The following TDRD7 variants were observed in gnomAD, a reference collection of about 807,000 sequenced individuals.
TDRD7 encodes the protein tudor domain-containing protein 7.
In TDRD7, 47 loss-of-function variants were observed where a neutral mutation model predicts 109.8. That is an observed-to-expected ratio of 0.43 (90% CI 0.34 to 0.55). The LOEUF (loss-of-function observed/expected upper bound fraction) is 0.55, where lower values mean the gene tolerates loss of function less well. Ranked by LOEUF, TDRD7 falls within the 20% of genes least tolerant of loss-of-function variation. The pLI is 0.03. For missense variants in TDRD7, 1,164 were observed against 1,319.2 expected, an observed-to-expected ratio of 0.88 and a Z score of 1.82; for synonymous variants, 424 against 457.3, an observed-to-expected ratio of 0.93 and a Z score of 0.93.
intron 2 of TDRD7, among the ~76,000 whole-genome samples, chr9:97,429,912 G>C (rs1049705902): frequency 6.6e-6 from 1 of 152,100 alleles, no homozygotes; most frequent in Non-Finnish European, 1.5e-5. Context: ...TTGTTCCCCT[G>C]TTTTGGACAT....
intron 7 of TDRD7, among the ~76,000 whole-genome samples, chr9:97,464,404 G>A (rs1202118734): frequency 6.6e-6 from 1 of 152,180 alleles, no homozygotes; most frequent in Admixed American, 6.5e-5. Flanking sequence ...AGGCTGGAGT[G>A]CAGTGGTGTG....
intron 13 of TDRD7, 32 bp from the exon 14 acceptor site, chr9:97,480,796 G>A (rs150324884): frequency 1.3e-6 from 2 of 1,530,192 alleles, no homozygotes; most frequent in Admixed American, 1.7e-5. Flanking sequence ...TTAACATGGT[G>A]TGTTCACTTT....
chr9:97,434,063 T>C (rs537223568), intron 4 of TDRD7, among the ~76,000 whole-genome samples: 1 of 152,196 alleles, frequency 6.6e-6, no homozygotes, highest in Admixed American at 6.5e-5. Context: ...TGCACGCCCA[T>C]GTTCATTGCA....
intron 15 of TDRD7, among the ~76,000 whole-genome samples, chr9:97,484,602 GA>G (rs924365219): frequency 6.6e-6 from 1 of 152,010 alleles, no homozygotes; most frequent in Non-Finnish European, 1.5e-5. Flanking sequence ...TTTCATGGGA[GA>G]AAAAAACTAA....
Position 97,487,316 on chromosome 9 carries a change from C to T in TDRD7, c.3060C>T (p.Val1020=), listed in dbSNP as rs752874296. ...DMFRKLPFQA[V]TAQLAGVKCN... ...TCCGAAAGCTGCCCTTCCAAGCAGT[C>T]ACAGCTCAACTTGCAGGTAATTTCT... The change falls in exon 16 of 17, where the codon GTC becomes GTT. Residue 1020 remains valine (V), a synonymous_variant. Transcript: ENST00000355295. 5 of 1,613,902 alleles carry T rather than the reference C, an allele frequency of 3.1e-6. No homozygotes were observed. The Admixed American group carries it at 6.7e-5, about 22-fold the overall frequency.
chr9:97,489,579 AT>A (rs936358336), intron 16 of TDRD7, among the ~76,000 whole-genome samples: 41 of 150,924 alleles, frequency 2.7e-4, no homozygotes, highest in South Asian at 1.0e-3. Flanking sequence ...GTTGAGTCTT[AT>A]TTTTTTTTAT....
rs1260010476 is a variant in TDRD7 at position 97,428,675 on chromosome 9, A to G, written c.207+3A>G. On this transcript the variant is annotated splice_donor_region_variant and intron_variant, in intron 2 of 16. Transcript: ENST00000355295. ...TAGAGACTAGTAGATCTGGAGAGGT[A>G]AGAAGGTAATTGTGCGTGTCAGAAG... is the stretch of plus-strand genomic sequence containing the variant. The G allele has an allele frequency of 3.1e-6, 5 of 1,613,024 alleles. No homozygotes were observed. The highest frequency in any genetic ancestry group is 4.2e-6 in the Non-Finnish European group (5 of 1,179,758).
intron 15 of TDRD7, among the ~76,000 whole-genome samples, chr9:97,486,353 T>A (rs944504371): frequency 3.1e-4 from 47 of 152,222 alleles, no homozygotes; most frequent in African/African-American, 1.1e-3. Context: ...GAAGTCTGGG[T>A]TTTTCTCATT....
chr9:97,446,175 T>C (rs1828397366), intron 6 of TDRD7, among the ~76,000 whole-genome samples: 1 of 152,052 alleles, frequency 6.6e-6, no homozygotes, highest in Non-Finnish European at 1.5e-5. Context: ...AGAGATTTTA[T>C]TGAAAATTTC....
intron 14 of TDRD7, among the ~76,000 whole-genome samples, chr9:97,482,331 A>G (rs1829129385): frequency 6.6e-6 from 1 of 152,204 alleles, no homozygotes; most frequent in African/African-American, 2.4e-5. Flanking sequence ...GGAATTTGAA[A>G]GAGGGGTGCT....
At position 97,470,111 on chromosome 9, in the gene TDRD7, A is replaced by G. The variant is rs1828885808; in HGVS notation, c.1630-447A>G. ...GGATTTAGAATCTGATAAATACCAC[A>G]AGGATGATGCCTGCCATAGAAACAA... is the stretch of plus-strand genomic sequence containing the variant. On this transcript the variant is annotated intron_variant, in intron 8 of 16. Transcript: ENST00000355295. Among the ~76,000 whole-genome samples the G allele has an allele frequency of 2.6e-5, 4 of 152,232 alleles. No homozygotes were observed. In the South Asian group the frequency reaches 8.3e-4, roughly 32 times the overall value.
chr9:97,425,205 T>A (rs1827966905), intron 1 of TDRD7, among the ~76,000 whole-genome samples: 1 of 152,176 alleles, frequency 6.6e-6, no homozygotes, highest in African/African-American at 2.4e-5. Flanking sequence ...ACTCAAGAAG[T>A]GCTACATATA....
At chr9:97,438,881 T>C (rs1168026712) in intron 4 of TDRD7, among the ~76,000 whole-genome samples, 1 of 152,232 alleles carries the variant, frequency 6.6e-6, no homozygotes, top group Non-Finnish European at 1.5e-5. Context: ...TGCAAGTCCT[T>C]CATTTTTTGG....
chr9:97,457,745 A>G (rs1209391616), intron 6 of TDRD7, among the ~76,000 whole-genome samples: 1 of 152,198 alleles, frequency 6.6e-6, no homozygotes, highest in Non-Finnish European at 1.5e-5. Flanking sequence ...AATGCCCATC[A>G]GTGATAGACT....
intron 7 of TDRD7, among the ~76,000 whole-genome samples, chr9:97,461,344 C>G (rs910843312): frequency 1.3e-5 from 2 of 152,070 alleles, no homozygotes; most frequent in African/African-American, 2.4e-5. Context: ...AAAGCAATAC[C>G]TAGTTCGCAG....
chr9:97,417,075 A>C (rs1223043187), intron 1 of TDRD7, among the ~76,000 whole-genome samples: 2 of 152,178 alleles, frequency 1.3e-5, no homozygotes, highest in African/African-American at 2.4e-5. Context: ...ACTTTAGCTG[A>C]AGGAGGTAAG....
chr9:97,482,828 C>T, intron 14 of TDRD7, 21 bp from the exon 15 acceptor site: 10 of 1,612,254 alleles, frequency 6.2e-6, no homozygotes, highest in Non-Finnish European at 8.5e-6. Flanking sequence ...TTTCTTATAT[C>T]ATTTTTTGTG....
intron 6 of TDRD7, among the ~76,000 whole-genome samples, chr9:97,450,564 G>A (rs1828473359): frequency 2.0e-5 from 3 of 152,134 alleles, no homozygotes; most frequent in Non-Finnish European, 2.9e-5. Context: ...AAATGAGGCA[G>A]GAGATGAACA....
chr9:97,470,686 A>T lies in TDRD7; in HGVS notation c.1741+17A>T, dbSNP rs1221945325. The T allele has an allele frequency of 5.0e-6, 8 of 1,595,618 alleles. No homozygotes were observed. The highest frequency in any genetic ancestry group is 1.7e-5 in the Admixed American group (1 of 59,688). On this transcript the variant is annotated intron_variant, in intron 9 of 16. Transcript: ENST00000355295. Reference sequence around the variant, plus strand: ...AGCTTGCAGGTAAGAGGAACTTTTTAAAAAACTCTCTCCATTTCAATAGGC... The same window carrying T: ...AGCTTGCAGGTAAGAGGAACTTTTTTAAAAACTCTCTCCATTTCAATAGGC...
Sources: allele counts gnomAD v4.1 joint callset (sites outside exome capture counted in the v4.1 genomes callset), GRCh38; gene constraint gnomAD v4.1.1; transcripts MANE v1.5; gene names NCBI Gene and HGNC (gene_info 2026-07-23, HGNC 2026-07-21).